The following ATG16L1 variants were observed in gnomAD, a reference collection of about 807,000 sequenced individuals.
The protein encoded by ATG16L1 is autophagy-related protein 16-1.
ATG16L1 carries 37 observed loss-of-function variants against 88.5 expected under a neutral mutation model. The observed-to-expected ratio is 0.42, with a 90% CI of 0.32 to 0.55. ATG16L1 has a LOEUF of 0.55. ATG16L1 is among the 20% of genes least tolerant of loss of function. The probability of loss-of-function intolerance (pLI) is 0.13; values close to 1 mark genes in which losing one functional copy is unlikely to be tolerated. For missense variants in ATG16L1, 554 were observed against 752.8 expected, an observed-to-expected ratio of 0.74 and a Z score of 3.09; for synonymous variants, 301 against 281.0, an observed-to-expected ratio of 1.07 and a Z score of -0.71.
chr2:233,291,400 C>T (rs1050814026), intron 14 of ATG16L1, among the ~76,000 whole-genome samples: 8 of 152,138 alleles, frequency 5.3e-5, no homozygotes, highest in Non-Finnish European at 1.2e-4. Context: ...ACCCTGAGTC[C>T]CAAGGAAGTG....
intron 1 of ATG16L1, among the ~76,000 whole-genome samples, chr2:233,255,640 T>C (rs1696726968): frequency 6.6e-6 from 1 of 152,248 alleles, no homozygotes; most frequent in African/African-American, 2.4e-5. Context: ...CATCTTCTTT[T>C]AAGACTTAAC....
rs139220749 is a variant in ATG16L1, at chr2:233,271,511, C to G, written c.707+1444C>G. ...CAGGCTGGTCTCGAACTCCTGACTT[C>G]AGGTGATCTGCCCGCCTTGGCCTCC... On this transcript the variant is annotated intron_variant, in intron 6 of 17. Transcript: ENST00000392017. 7.0e-3 allele frequency among the ~76,000 whole-genome samples: 1,067 copies of G among 152,344 alleles called. 20 individuals are homozygous for G. The highest frequency in any genetic ancestry group is 0.024 in the African/African-American group (998 of 41,580).
intron 9 of ATG16L1, among the ~76,000 whole-genome samples, chr2:233,276,855 A>C (rs1404678095): frequency 6.6e-6 from 1 of 152,242 alleles, no homozygotes; most frequent in African/African-American, 2.4e-5. Context: ...CCAGTATTAG[A>C]AATTTCCCTG....
intron 2 of ATG16L1, among the ~76,000 whole-genome samples, chr2:233,262,430 G>A (rs947896087): frequency 6.6e-6 from 1 of 152,100 alleles, no homozygotes; most frequent in Non-Finnish European, 1.5e-5. Context: ...GCCCTCGGAG[G>A]TGCCCACAAG....
Position 233,292,164 on chromosome 2 carries a change from A to C in ATG16L1, c.1467A>C (p.Gly489=). 6.2e-7 allele frequency: 1 copy of C among 1,614,164 alleles called. No homozygotes were observed. The highest frequency in any genetic ancestry group is 8.5e-7 in the Non-Finnish European group (1 of 1,180,024). ...ESIVREMELL[G]KITALDLNPE... The stretch of plus-strand genomic sequence containing the variant: ...TAGTTCGAGAGATGGAGCTGTTGGG[A>C]AAGATTACTGCCCTGGACTTAAACC... The change falls in exon 15 of 18, where the codon GGA becomes GGC. Residue 489 remains glycine (G), a synonymous_variant. Transcript: ENST00000392017.
At position 233,281,752 on chromosome 2, in the gene ATG16L1, C is replaced by T. The variant is rs546632901; in HGVS notation, c.1131+577C>T. On this transcript the variant is annotated intron_variant, in intron 11 of 17. Coordinates refer to ENST00000392017, the MANE Select transcript of ATG16L1 (RefSeq NM_030803.7). ...GCAGGAGCTTGGGTGGAGGTGATGA[C>T]TGGGTGAGGCCAAGGTAGCGTCCTC... Among the ~76,000 whole-genome samples the T allele has an allele frequency of 3.3e-5, 5 of 152,278 alleles. No individual in the cohort carries two copies. The South Asian group carries it at 8.3e-4, about 25-fold the overall frequency.
intron 9 of ATG16L1, 40 bp downstream of exon 9, chr2:233,274,818 T>A (rs771833414): frequency 4.1e-6 from 6 of 1,480,488 alleles, no homozygotes; most frequent in African/African-American, 1.4e-5. Context: ...ACGCTTGATA[T>A]GGTGACAGAG....
At position 233,294,285 on chromosome 2, in the gene ATG16L1, C is replaced by T. The variant is rs769189002; in HGVS notation, c.1759C>T (p.Pro587Ser). 9.3e-5 allele frequency: 149 copies of T among 1,610,488 alleles called. No individual in the cohort carries two copies. The highest frequency in any genetic ancestry group is 1.2e-4 in the Non-Finnish European group (144 of 1,178,546). ...ATCCATCAATGCGGTGGCGTGGTCG[C>T]CCTCTGGCTCGCACGTTGTCAGTGT... is the stretch of plus-strand genomic sequence containing the variant. ...SSSINAVAWS[P>S]SGSHVVSVDK... Residue 587 changes from proline to serine, a missense_variant, in exon 18 of 18, where the codon CCC becomes TCC. Transcript: ENST00000392017.
At chr2:233,259,864 C>G (rs1697082673) in intron 2 of ATG16L1, among the ~76,000 whole-genome samples, 1 of 152,094 alleles carries the variant, frequency 6.6e-6, no homozygotes, top group Non-Finnish European at 1.5e-5. Flanking sequence ...ATTTTGCCAC[C>G]TCCTTTGTTT....
chr2:233,254,137 AT>A (rs199616593), intron 1 of ATG16L1, among the ~76,000 whole-genome samples: 2,854 of 152,306 alleles, frequency 0.019, 94 homozygotes, highest in African/African-American at 0.064. Context: ...CACAAATGGA[AT>A]GTTTTCCTGC....
rs778932767 is a variant in ATG16L1, at chr2:233,264,022, C to G, written c.346C>G (p.Gln116Glu). 1 of 1,613,986 alleles carries G rather than the reference C, an allele frequency of 6.2e-7. No homozygotes were observed. The highest frequency in any genetic ancestry group is 1.1e-5 in the South Asian group (1 of 91,066). The change falls in exon 4 of 18, where the codon CAA becomes GAA. Residue 116 changes from glutamine to glutamate, a missense_variant. Gln to Glu is a conservative substitution (Grantham distance 29). This residue lies in a region of ATG16L1 where 50 missense variants were observed against 49.4 expected (regional missense o/e 1.01). Coordinates refer to ENST00000392017, the MANE Select transcript of ATG16L1 (RefSeq NM_030803.7). The stretch of plus-strand genomic sequence containing the variant: ...TCAACTGGTGATTGACCTGAATAAC[C>G]AAATGCAGCGGAAGGACAGGGAGAT... ...LAQLVIDLNN[Q>E]MQRKDREMQM...
At chr2:233,288,861 A>G in intron 12 of ATG16L1, 2 of 519,248 alleles carry the variant, frequency 3.9e-6, no homozygotes, top group South Asian at 2.8e-5. Flanking sequence ...GTTGGCATCC[A>G]ACAGCTTAGT....
chr2:233,282,500 T>G (rs58148686), intron 11 of ATG16L1, among the ~76,000 whole-genome samples, 182 bp from the exon 12 acceptor site: 8 of 151,978 alleles, frequency 5.3e-5, no homozygotes, highest in East Asian at 3.8e-4. Flanking sequence ...AAAAAAAAGG[T>G]CTGAACTCGA....
In ATG16L1 at chr2:233,287,364, A is replaced by G. The variant is rs538593623; in HGVS notation, c.1204-2490A>G. Among the ~76,000 whole-genome samples, 111 of 152,340 alleles carry G rather than the reference A, an allele frequency of 7.3e-4. 1 individual carries two copies. The highest frequency in any genetic ancestry group is 1.1e-3 in the Non-Finnish European group (74 of 68,038). ...CTGTGAAGTATGTAAAAATGAATAT[A>G]CAGATGGTCCCCAATGTAGGGTATT... On this transcript the variant is annotated intron_variant, in intron 12 of 17. Coordinates refer to ENST00000392017, the MANE Select transcript of ATG16L1 (RefSeq NM_030803.7).
At chr2:233,274,342 C>T (rs983804428) in intron 8 of ATG16L1, 24 of 466,808 alleles carry the variant, frequency 5.1e-5, no homozygotes, top group African/African-American at 4.3e-4. Flanking sequence ...CAAAGAGCTA[C>T]CTCTGAGCTA....
intron 12 of ATG16L1, among the ~76,000 whole-genome samples, chr2:233,287,421 C>T (rs992248648): frequency 1.3e-5 from 2 of 152,054 alleles, no homozygotes; most frequent in Non-Finnish European, 2.9e-5. Context: ...CAAGACTGGC[C>T]CCATCATAAG....
At chr2:233,255,093 T>C (rs774028384) in intron 1 of ATG16L1, among the ~76,000 whole-genome samples, 29 of 152,154 alleles carry the variant, frequency 1.9e-4, no homozygotes, top group Non-Finnish European at 3.7e-4. Context: ...TGTGCCTCAG[T>C]CTCCCTAGTA....
At chr2:233,272,088 T>C (rs1024911698) in intron 6 of ATG16L1, among the ~76,000 whole-genome samples, 1 of 152,256 alleles carries the variant, frequency 6.6e-6, no homozygotes. Flanking sequence ...CAAGTTCTTA[T>C]GAATCCAAAC....
rs149779719 is a variant in ATG16L1 at position 233,254,056 on chromosome 2, G to A, written c.116-2046G>A. Among the ~76,000 whole-genome samples the A allele has an allele frequency of 7.0e-3, 1,059 of 152,322 alleles. 5 individuals carry two copies. Among genetic ancestry groups the A allele is most frequent in the Non-Finnish European group, 0.012 (790 of 68,026 alleles). On this transcript the variant is annotated intron_variant, in intron 1 of 17. Transcript: ENST00000392017. The stretch of plus-strand genomic sequence containing the variant: ...TTGCCCTGCCCACTTCATAAAAACA[G>A]TGCTGTGCATATAAGTGCTTTCAAA...
Sources: gnomAD v4.1 joint callset for allele counts (sites outside exome capture counted in the v4.1 genomes callset) on GRCh38, gnomAD v4.1.1 for gene constraint, gnomAD v4.1.1 regional missense constraint, MANE v1.5 for transcripts, NCBI Gene and HGNC (gene_info 2026-07-23, HGNC 2026-07-21) for gene names.